UBR1: variants seen among roughly 807,000 people sequenced by gnomAD.
UBR1 encodes the protein E3 ubiquitin-protein ligase UBR1.
UBR1 carries 102 observed loss-of-function variants against 242.1 expected under a neutral mutation model. That is an observed-to-expected ratio of 0.42 (90% CI 0.36 to 0.50). The LOEUF is 0.50. UBR1 is among the 20% of genes least tolerant of loss of function. The pLI is 0.01. For missense variants in UBR1, 1,772 were observed against 2,101.8 expected (o/e 0.84, Z 3.07); for synonymous variants, 675 against 684.8 (o/e 0.99, Z 0.22).
intron 30 of UBR1, among the ~76,000 whole-genome samples, chr15:43,004,244 T>A (rs1223120071): frequency 6.6e-6 from 1 of 152,208 alleles, no homozygotes; most frequent in South Asian, 2.1e-4. Context: ...TTTACTTTTT[T>A]AATTTTAATA....
intron 15 of UBR1, 127 bp downstream of exon 15, chr15:43,043,088 C>T: frequency 1.0e-6 from 1 of 1,002,992 alleles, no homozygotes; most frequent in Non-Finnish European, 1.5e-6. Context: ...CAGCCCTTAA[C>T]TGCAGTATCT....
intron 12 of UBR1, among the ~76,000 whole-genome samples, chr15:43,049,669 T>C (rs2033530033): frequency 6.6e-6 from 1 of 152,200 alleles, no homozygotes; most frequent in Non-Finnish European, 1.5e-5. Context: ...AGATACCCAT[T>C]AACATGCAAA....
rs933381140 is a variant in UBR1 at position 43,059,790 on chromosome 15, A to G, written c.897T>C (p.His299=). The G allele has an allele frequency of 1.2e-6, 2 of 1,613,982 alleles. No individual in the cohort carries two copies. Among genetic ancestry groups the G allele is most frequent in the African/African-American group, 1.3e-5 (1 of 75,036 alleles). Residue 299 remains histidine, a synonymous_variant, in exon 8 of 47, where the codon CAT becomes CAC. Transcript: ENST00000290650. ...TAATCTCTGAGTGTAATACTTCTAC[A>G]TGAAGTGGATGTTGAGAGACATTTT... The part of the protein sequence containing the change: ...HSENVSQHPL[H]VEVLHSEIMA...
intron 40 of UBR1, among the ~76,000 whole-genome samples, chr15:42,969,898 C>T (rs1391353483): frequency 5.9e-5 from 9 of 152,178 alleles, no homozygotes; most frequent in Non-Finnish European, 1.3e-4. Context: ...GAATCAATGT[C>T]GTGAAAATGG....
chr15:42,971,950 TC>T (rs1340518795), intron 39 of UBR1, among the ~76,000 whole-genome samples: 1 of 152,072 alleles, frequency 6.6e-6, no homozygotes, highest in Non-Finnish European at 1.5e-5. Context: ...ACACACAACA[TC>T]CCCCACCTAT....
chr15:43,019,417 G>A (rs566315554), intron 27 of UBR1, among the ~76,000 whole-genome samples: 2 of 151,988 alleles, frequency 1.3e-5, no homozygotes, highest in East Asian at 3.9e-4. Flanking sequence ...GGTAAGAAGA[G>A]CTGCCCTCTT....
rs2033643419 is a variant in UBR1 at position 43,058,372 on chromosome 15, T to C, written c.1151A>G (p.Tyr384Cys). 2.5e-6 allele frequency: 4 copies of C among 1,610,866 alleles called. No individual in the cohort carries two copies. The highest frequency in any genetic ancestry group is 3.4e-6 in the Non-Finnish European group (4 of 1,178,332). Residue 384 changes from tyrosine to cysteine, a missense_variant, in exon 10 of 47, where the codon TAC becomes TGC. This residue lies in a region of UBR1 where 734 missense variants were observed against 893.3 expected (regional missense o/e 0.82). Transcript: ENST00000290650. ...IFSSFFMEMEYKKLFAMEFVK... is the reference protein window; with the variant it reads ...IFSSFFMEMECKKLFAMEFVK... ...AAATTCCATAGCAAAGAGTTTTTTG[T>C]ATTCCATCTCCATAAAAAAACTGCT...
chr15:43,048,280 C>T lies in UBR1; in HGVS notation c.1539+112G>A. The T allele has an allele frequency of 2.6e-6, 2 of 765,350 alleles. 1 individual carries two copies. The highest frequency in any genetic ancestry group is 4.3e-6 in the Non-Finnish European group (2 of 468,632). The allele number at this position is 765,350 out of a possible 1,614,324, so 47.4% of individuals were successfully genotyped here. A position where few individuals can be genotyped will look rare whatever the true frequency, so the allele number is the denominator to read the frequency against. ...AGTCAATGTTTAAATCTTGTTTCTACTTTGCTAGATAAATTCTTTCTTGTA... is the reference window on the plus strand; with the variant it reads ...AGTCAATGTTTAAATCTTGTTTCTATTTTGCTAGATAAATTCTTTCTTGTA... On this transcript the variant is annotated intron_variant, in intron 13 of 46. Transcript: ENST00000290650.
chr15:42,965,931 A>C (rs779772977), intron 41 of UBR1, among the ~76,000 whole-genome samples: 2 of 152,254 alleles, frequency 1.3e-5, no homozygotes, highest in African/African-American at 2.4e-5. Flanking sequence ...TAACCTATAC[A>C]TAGATAGGAG....
At chr15:43,099,118 C>T (rs560921359) in intron 1 of UBR1, among the ~76,000 whole-genome samples, 1 of 152,092 alleles carries the variant, frequency 6.6e-6, no homozygotes, top group Non-Finnish European at 1.5e-5. Flanking sequence ...GGGTGGATCA[C>T]CTGAGGTCAG....
Position 43,054,842 on chromosome 15 carries a change from CTAG to C in UBR1, c.1336_1338del (p.Leu446del). 1 of 1,614,146 alleles carries C rather than the reference CTAG, an allele frequency of 6.2e-7. No individual in the cohort carries two copies. The highest frequency in any genetic ancestry group is 8.5e-7 in the Non-Finnish European group (1 of 1,180,018). ...CTGTCCAAGTACTCAGGTAAAACTT[CTAG>C]CAGAGTTTCAGTAATGACAGAGATA... On this transcript the variant is annotated inframe_deletion, in exon 12 of 47. Coordinates refer to ENST00000290650, the MANE Select transcript of UBR1 (RefSeq NM_174916.3).
chr15:43,002,490 G>A, intron 32 of UBR1, 65 bp downstream of exon 32: 1 of 1,555,196 alleles, frequency 6.4e-7, no homozygotes, highest in Non-Finnish European at 8.8e-7. Flanking sequence ...CAAAGTGCTG[G>A]GATCACAGGC....
chr15:42,950,472 T>TGG, intron 45 of UBR1, 109 bp from the exon 46 acceptor site: 1 of 880,580 alleles, frequency 1.1e-6, no homozygotes, highest in Non-Finnish European at 1.9e-6. Flanking sequence ...TGTTAGATAT[T>TGG]CAGTAAAAAG....
intron 14 of UBR1, among the ~76,000 whole-genome samples, chr15:43,044,821 G>A (rs538929786): frequency 1.4e-4 from 22 of 152,294 alleles, no homozygotes; most frequent in African/African-American, 4.8e-4. Context: ...CTTGAACCCA[G>A]GAGGCGGAGG....
intron 33 of UBR1, among the ~76,000 whole-genome samples, chr15:42,995,654 C>T (rs561974065): frequency 2.0e-5 from 3 of 151,722 alleles, no homozygotes; most frequent in East Asian, 1.9e-4. Context: ...GGCGACAGAG[C>T]GAGACTCCAT....
intron 8 of UBR1, 114 bp downstream of exon 8, chr15:43,059,588 C>CAAAAA: frequency 2.0e-6 from 2 of 1,012,272 alleles, no homozygotes; most frequent in Admixed American, 3.1e-5. Flanking sequence ...GTGTATAAAC[C>CAAAAA]AAAAAAAAAA....
intron 3 of UBR1, 53 bp from the exon 4 acceptor site, chr15:43,075,142 A>C: frequency 7.9e-7 from 1 of 1,266,922 alleles, no homozygotes; most frequent in South Asian, 1.2e-5. Context: ...ACTAAGCATG[A>C]AGAATGATAA....
At chr15:42,968,533 G>GATT (rs112426585) in intron 40 of UBR1, among the ~76,000 whole-genome samples, 104 of 151,194 alleles carry the variant, frequency 6.9e-4, no homozygotes, top group African/African-American at 2.0e-3. Flanking sequence ...CTTCATAACT[G>GATT]ATTATTATTA....
chr15:43,076,741 C>CTTT (rs2033903224), intron 3 of UBR1, among the ~76,000 whole-genome samples: 1 of 141,866 alleles, frequency 7.0e-6, no homozygotes, highest in Non-Finnish European at 1.5e-5. Context: ...GGAGCGTCTC[C>CTTT]GCCTGGCAGC....
Sources: gnomAD v4.1 joint callset for allele counts (sites outside exome capture counted in the v4.1 genomes callset) on GRCh38, gnomAD v4.1.1 for gene constraint, gnomAD v4.1.1 regional missense constraint, MANE v1.5 for transcripts, NCBI Gene and HGNC (gene_info 2026-07-23, HGNC 2026-07-21) for gene names.